The following TCF12 variants were observed in gnomAD, a reference collection of about 807,000 sequenced individuals.
TCF12 encodes the protein transcription factor 12, also known as DNA-binding protein HTF4.
TCF12 carries 45 observed loss-of-function variants against 86.0 expected under a neutral mutation model. The observed-to-expected ratio is 0.52, with a 90% confidence interval of 0.41 to 0.67. The LOEUF is 0.67. Among genes scored for constraint, TCF12 ranks in the 30% least tolerant of loss-of-function variants. The probability of loss-of-function intolerance (pLI) is 0.00; values close to 1 mark genes in which losing one functional copy is unlikely to be tolerated. For missense variants in TCF12, 881 were observed against 859.9 expected, an observed-to-expected ratio of 1.02 and a Z score of -0.31; for synonymous variants, 330 against 299.6, an observed-to-expected ratio of 1.10 and a Z score of -1.05.
chr15:57,196,902 A>G lies in TCF12; in HGVS notation c.527-871A>G, dbSNP rs542467824. ...AATGCCCATATTTAATAGTTTATGT[A>G]TCATATATTGACATTATAACCTTCA... is the stretch of plus-strand genomic sequence containing the variant. On this transcript the variant is annotated intron_variant, in intron 7 of 20. Coordinates refer to ENST00000333725, the MANE Select transcript of TCF12 (RefSeq NM_207037.2). Among the ~76,000 whole-genome samples, 6 of 152,318 alleles carry G rather than the reference A, an allele frequency of 3.9e-5. No homozygotes were observed. In the South Asian group the frequency reaches 6.2e-4, roughly 16 times the overall value.
At chr15:57,068,492 C>T (rs997062053) in intron 4 of TCF12, among the ~76,000 whole-genome samples, 9 of 152,146 alleles carry the variant, frequency 5.9e-5, no homozygotes, top group African/African-American at 2.2e-4. Flanking sequence ...TAAATAAAAT[C>T]AATTTCCCCT....
At chr15:57,062,626 A>G (rs1012142004) in intron 3 of TCF12, among the ~76,000 whole-genome samples, 16 of 152,162 alleles carry the variant, frequency 1.1e-4, no homozygotes, top group African/African-American at 3.1e-4. Flanking sequence ...TGTCACTATA[A>G]AAGAGCCTTA....
At chr15:57,227,953 C>T (rs992338162) in intron 8 of TCF12, among the ~76,000 whole-genome samples, 1 of 151,822 alleles carries the variant, frequency 6.6e-6, no homozygotes, top group Non-Finnish European at 1.5e-5. Context: ...ATTTTAAGAT[C>T]GACTGTCATG....
At position 56,950,745 on chromosome 15, in the gene TCF12, GTT is replaced by G. The variant is rs71113040; in HGVS notation, c.148+29674_148+29675del. 7.3e-3 allele frequency among the ~76,000 whole-genome samples: 626 copies of G among 85,848 alleles called. 167 individuals carry two copies. The highest frequency in any genetic ancestry group is 0.03 in the African/African-American group (572 of 19,146). 56.3% of individuals were successfully genotyped at this position (85,848 alleles called of 152,430 possible). A position where few individuals can be genotyped will look rare whatever the true frequency, so the allele number is the denominator to read the frequency against. ...TTACAAATAAAGCTATTATGACCATGTTTTTTTTTTTTTTTTTTTTTTTTTTT... is the reference window on the plus strand; with the variant it reads ...TTACAAATAAAGCTATTATGACCATGTTTTTTTTTTTTTTTTTTTTTTTTT... On this transcript the variant is annotated intron_variant, in intron 3 of 20. Coordinates refer to ENST00000333725, the MANE Select transcript of TCF12 (RefSeq NM_207037.2).
intron 4 of TCF12, among the ~76,000 whole-genome samples, chr15:57,069,748 A>C (rs1414958355): frequency 6.6e-6 from 1 of 152,140 alleles, no homozygotes; most frequent in Admixed American, 6.5e-5. Context: ...GTACTTCCCA[A>C]CTCAAAGAAC....
chr15:57,139,640 T>G (rs2052809822), intron 5 of TCF12, among the ~76,000 whole-genome samples: 1 of 151,970 alleles, frequency 6.6e-6, no homozygotes, highest in Non-Finnish European at 1.5e-5. Flanking sequence ...AAATCTCTAA[T>G]GTTTACTTCT....
chr15:57,249,005 T>C (rs1359142357), intron 13 of TCF12, among the ~76,000 whole-genome samples: 1 of 152,212 alleles, frequency 6.6e-6, no homozygotes, highest in East Asian at 1.9e-4. Context: ...AGGCTTCTGT[T>C]ACGGGGGGGC....
At chr15:57,132,063 A>G (rs1362011432) in intron 5 of TCF12, among the ~76,000 whole-genome samples, 4 of 152,108 alleles carry the variant, frequency 2.6e-5, no homozygotes, top group South Asian at 2.1e-4. Context: ...AGGTGGGAGA[A>G]TCACCTGAGC....
intron 4 of TCF12, among the ~76,000 whole-genome samples, chr15:57,086,212 G>GATAACAATA: frequency 7.1e-6 from 1 of 141,616 alleles, no homozygotes; most frequent in African/African-American, 2.6e-5. Context: ...GGATGATGAT[G>GATAACAATA]ATAATAATAA....
intron 6 of TCF12, among the ~76,000 whole-genome samples, chr15:57,185,225 G>T (rs1167368251): frequency 2.0e-5 from 3 of 152,146 alleles, no homozygotes; most frequent in Admixed American, 1.3e-4. Flanking sequence ...TCTTAATTAT[G>T]AGTATTTCTG....
chr15:57,241,229 G>A (rs955627157), intron 12 of TCF12, among the ~76,000 whole-genome samples: 4 of 151,918 alleles, frequency 2.6e-5, no homozygotes. Context: ...CGAGTAGCTG[G>A]GATTACAGTC....
chr15:57,258,453 A>G (rs1389340040), intron 16 of TCF12, among the ~76,000 whole-genome samples: 1 of 152,212 alleles, frequency 6.6e-6, no homozygotes, highest in African/African-American at 2.4e-5. Context: ...GTTATTCCTC[A>G]GTCAGACAGT....
At chr15:57,052,275 A>G (rs149362694) in intron 3 of TCF12, among the ~76,000 whole-genome samples, 2 of 152,228 alleles carry the variant, frequency 1.3e-5, no homozygotes, top group African/African-American at 4.8e-5. Context: ...CATCAGTTGT[A>G]TCTTTTATGA....
chr15:57,170,663 ATATATATATATAATATAT>A (rs2055283053), intron 6 of TCF12, among the ~76,000 whole-genome samples: 3 of 8,024 alleles, frequency 3.7e-4, no homozygotes, highest in South Asian at 0.011. Flanking sequence ...TATATAAAAT[ATATATATATATAATATAT>A]TATATATAAT....
intron 4 of TCF12, among the ~76,000 whole-genome samples, chr15:57,071,912 CG>C (rs1224135254): frequency 6.6e-6 from 1 of 151,760 alleles, no homozygotes; most frequent in Non-Finnish European, 1.5e-5. Flanking sequence ...TTACAAAATT[CG>C]GTAGATAATA....
intron 16 of TCF12, among the ~76,000 whole-genome samples, chr15:57,255,516 C>T (rs2060306472): frequency 4.6e-5 from 7 of 152,176 alleles, no homozygotes; most frequent in Admixed American, 4.6e-4. Flanking sequence ...TGGAGTCTCA[C>T]TCTGTGGCCC....
At chr15:57,043,471 T>A (rs1197279017) in intron 3 of TCF12, among the ~76,000 whole-genome samples, 2 of 152,208 alleles carry the variant, frequency 1.3e-5, no homozygotes, top group African/African-American at 4.8e-5. Context: ...GTGTGTTTTT[T>A]AATAATAGTC....
At chr15:56,968,082 G>A (rs1316442853) in intron 3 of TCF12, among the ~76,000 whole-genome samples, 1 of 151,962 alleles carries the variant, frequency 6.6e-6, no homozygotes, top group Admixed American at 6.6e-5. Context: ...TCAGCCTCCT[G>A]AGTAGCTGGG....
intron 6 of TCF12, among the ~76,000 whole-genome samples, chr15:57,173,371 C>T (rs984763480): frequency 6.6e-6 from 1 of 151,882 alleles, no homozygotes; most frequent in Non-Finnish European, 1.5e-5. Flanking sequence ...AAAGTAAACC[C>T]AAAATAAATA....
Sources: allele counts gnomAD v4.1 joint callset (sites outside exome capture counted in the v4.1 genomes callset), GRCh38; gene constraint gnomAD v4.1.1; transcripts MANE v1.5; gene names NCBI Gene and HGNC (gene_info 2026-07-23, HGNC 2026-07-21).